Variants in ZNF770 observed in about 807,000 individuals in gnomAD.
The protein encoded by ZNF770 is zinc finger protein 770.
Under a neutral mutation model 44.8 loss-of-function variants are expected in ZNF770, and 13 were observed. That is an observed-to-expected ratio of 0.29 (90% CI 0.19 to 0.46). The LOEUF (loss-of-function observed/expected upper bound fraction) is 0.46, where lower values mean the gene tolerates loss of function less well. Among genes scored for constraint, ZNF770 ranks in the 20% least tolerant of loss-of-function variants. The probability of loss-of-function intolerance (pLI) is 1.00; values close to 1 mark genes in which losing one functional copy is unlikely to be tolerated. For missense variants in ZNF770, 681 were observed against 797.9 expected (o/e 0.85, Z 1.77); for synonymous variants, 304 against 271.8 (o/e 1.12, Z -1.17).
chr15:34,982,997 C>T lies in ZNF770; in HGVS notation c.438G>A (p.Lys146=), dbSNP rs770881470. ...TTTTCATGCTATACATGGGATCAGA[C>T]TTAGAGCACGGGTGTAATGCCCATC... ...EERWALHPCS[K]SDPMYSMKRR... The change falls in exon 3 of 3, where the codon AAG becomes AAA. Residue 146 remains lysine (K), a synonymous_variant. Coordinates refer to ENST00000356321, the MANE Select transcript of ZNF770 (RefSeq NM_014106.4). The T allele has an allele frequency of 1.8e-5, 29 of 1,613,908 alleles. No individual in the cohort carries two copies. The highest frequency in any genetic ancestry group is 2.3e-5 in the Non-Finnish European group (27 of 1,179,970).
At position 34,978,523 on chromosome 15, in the gene ZNF770, T is replaced by TACTAC. The variant is rs1375656217; in HGVS notation, c.*2831_*2835dup. The TACTAC allele has an allele frequency of 6.6e-6, 1 of 152,172 alleles. No homozygotes were observed. Among genetic ancestry groups the TACTAC allele is most frequent in the East Asian group, 1.9e-4 (1 of 5,190 alleles). The allele number at this position is 152,172 out of a possible 1,614,324, so 9.4% of individuals were successfully genotyped here. On this transcript the variant is annotated 3_prime_UTR_variant, in exon 3 of 3. Coordinates refer to ENST00000356321, the MANE Select transcript of ZNF770 (RefSeq NM_014106.4). ...ATCAAACTACTTCAGTAAATGATCA[T>TACTAC]ACTACAGCCTGGAATCACTCAAACA...
In ZNF770 at chr15:34,983,231, A is replaced by G; in HGVS notation, c.204T>C (p.Val68=). 6.2e-7 allele frequency: 1 copy of G among 1,613,108 alleles called. No individual in the cohort carries two copies. Among genetic ancestry groups the G allele is most frequent in the Non-Finnish European group, 8.5e-7 (1 of 1,179,246 alleles). ...DVCHKTFRQL[V]HLERHQLTHS... is the part of the protein sequence containing the mutation. Reference sequence around the variant, plus strand: ...GAGTTAGTTGATGCCTCTCCAGATGAACTAGTTGTCTAAAGGTTTTATGAC... The same window carrying G: ...GAGTTAGTTGATGCCTCTCCAGATGGACTAGTTGTCTAAAGGTTTTATGAC... Residue 68 remains valine, a synonymous_variant, in exon 3 of 3, where the codon GTT becomes GTC. Transcript: ENST00000356321.
chr15:34,981,919 T>C lies in ZNF770; in HGVS notation c.1516A>G (p.Asn506Asp), dbSNP rs1374031811. The change falls in exon 3 of 3, where the codon AAT (asparagine) becomes GAT (aspartate). Residue 506 changes from asparagine (N) to aspartate (D), a missense_variant. By Grantham distance (23) the Asn-to-Asp change is conservative. Transcript: ENST00000356321. ...IHTGQRPFGC[N>D]ICGKSFRQSA... Reference sequence around the variant, plus strand: ...TGTCTAAAAGATTTCCCACAAATATTACAGCCAAAGGGCCTCTGTCCAGTA... The same window carrying C: ...TGTCTAAAAGATTTCCCACAAATATCACAGCCAAAGGGCCTCTGTCCAGTA... 1.2e-6 allele frequency: 2 copies of C among 1,614,112 alleles called. No individual in the cohort carries two copies. The highest frequency in any genetic ancestry group is 1.7e-6 in the Non-Finnish European group (2 of 1,180,032).
rs1488083947 is a variant in ZNF770, at chr15:34,979,670, C to T, written c.*1689G>A. On this transcript the variant is annotated 3_prime_UTR_variant, in exon 3 of 3. Coordinates refer to ENST00000356321, the MANE Select transcript of ZNF770 (RefSeq NM_014106.4). The stretch of plus-strand genomic sequence containing the variant: ...CCCACCTACTATCCCTCCCGCCTCC[C>T]CCCTGTCAAAAGAAAGTTCTCAGTT... The T allele has an allele frequency of 2.2e-6, 1 of 449,172 alleles. No homozygotes were observed. The highest frequency in any genetic ancestry group is 4.5e-6 in the Non-Finnish European group (1 of 224,250). 27.8% of individuals were successfully genotyped at this position (449,172 alleles called of 1,614,324 possible).
At chr15:34,983,993 CAT>C (rs1423928677) in intron 2 of ZNF770, among the ~76,000 whole-genome samples, 1 of 152,140 alleles carries the variant, frequency 6.6e-6, no homozygotes, top group Non-Finnish European at 1.5e-5. Flanking sequence ...ACAAATTTAA[CAT>C]GAGTTATTCT....
chr15:34,982,120 C>T lies in ZNF770; in HGVS notation c.1315G>A (p.Asp439Asn). The T allele has an allele frequency of 6.2e-7, 1 of 1,614,040 alleles. No homozygotes were observed. Among genetic ancestry groups the T allele is most frequent in the Non-Finnish European group, 8.5e-7 (1 of 1,180,012 alleles). Residue 439 changes from aspartate to asparagine, a missense_variant, in exon 3 of 3, where the codon GAC (aspartate) becomes AAC (asparagine). Coordinates refer to ENST00000356321, the MANE Select transcript of ZNF770 (RefSeq NM_014106.4). Reference sequence around the variant, plus strand: ...CCTGATGAACCACAGATTGACAAGTCTTTCTTATTCACTGAATTATCAATG... The same window carrying T: ...CCTGATGAACCACAGATTGACAAGTTTTTCTTATTCACTGAATTATCAATG... ...LSIDNSVNKK[D>N]LSICGSSGEE...
chr15:34,985,117 G>C (rs1020989209), intron 2 of ZNF770, among the ~76,000 whole-genome samples: 2 of 139,256 alleles, frequency 1.4e-5, no homozygotes, highest in African/African-American at 5.7e-5. Context: ...TTGGGCAACA[G>C]AGCGAGAGAC....
rs749581091 is a variant in ZNF770 at position 34,982,221 on chromosome 15, G to A, written c.1214C>T (p.Thr405Ile). Residue 405 changes from threonine to isoleucine, a missense_variant, in exon 3 of 3, where the codon ACA (threonine) becomes ATA (isoleucine). By Grantham distance (89) the Thr-to-Ile change is moderately conservative (BLOSUM62 -1). Around this residue, in one of 5 missense-constraint regions of ZNF770, gnomAD observed 432 missense variants for 434.1 expected, o/e 1.00. Coordinates refer to ENST00000356321, the MANE Select transcript of ZNF770 (RefSeq NM_014106.4). ...YKTIGNRKKK[T>I]LTLPFSWQNM... ...TTGCCAAGAAAATGGCAAAGTCAAT[G>A]TTTTCTTCTTTCTATTGCCAATTGT... 74 of 1,613,212 alleles carry A rather than the reference G, an allele frequency of 4.6e-5. No homozygotes were observed. The highest frequency in any genetic ancestry group is 6.1e-5 in the Non-Finnish European group (72 of 1,179,832).
In ZNF770 at chr15:34,982,510, G is replaced by C; in HGVS notation, c.925C>G (p.Leu309Val). 1 of 1,613,958 alleles carries C rather than the reference G, an allele frequency of 6.2e-7. No individual in the cohort carries two copies. Among genetic ancestry groups the C allele is most frequent in the Non-Finnish European group, 8.5e-7 (1 of 1,179,972 alleles). The change falls in exon 3 of 3, where the codon CTC becomes GTC. Residue 309 changes from leucine to valine, a missense_variant. Around this residue, in one of 5 missense-constraint regions of ZNF770, gnomAD observed 432 missense variants for 434.1 expected, o/e 1.00. Coordinates refer to ENST00000356321, the MANE Select transcript of ZNF770 (RefSeq NM_014106.4). ...GCAGCAAAACAGCTGTGTTCATTGA[G>C]AATCTGCTCTGATTCAAAACACTTT... ...CEKCFESEQI[L>V]NEHSCFAARS...
rs148950283 is a variant in ZNF770, at chr15:34,982,749, C to T, written c.686G>A (p.Ser229Asn). The T allele has an allele frequency of 1.2e-5, 20 of 1,613,836 alleles. No individual in the cohort carries two copies. The African/African-American group carries it at 2.5e-4, about 20-fold the overall frequency. ...CFCQKGFKIQSKLLKHKQIHT... is the reference protein window; with the variant it reads ...CFCQKGFKIQNKLLKHKQIHT... ...GATTTGTTTATGCTTCAGAAGTTTGCTTTGAATCTTAAATCCTTTTTGACA... is the reference window on the plus strand; with the variant it reads ...GATTTGTTTATGCTTCAGAAGTTTGTTTTGAATCTTAAATCCTTTTTGACA... The change falls in exon 3 of 3, where the codon AGC (serine) becomes AAC (asparagine). Residue 229 changes from serine to asparagine, a missense_variant. Transcript: ENST00000356321.
In ZNF770 at chr15:34,982,265, G is replaced by A. The variant is rs1381267980; in HGVS notation, c.1170C>T (p.Gly390=). ...CAATTGTTTTATATGTTCCATGTTTGCCAAGAGAACCCACAAATGTTCTCT... is the reference window on the plus strand; with the variant it reads ...CAATTGTTTTATATGTTCCATGTTTACCAAGAGAACCCACAAATGTTCTCT... ...QTQRTFVGSL[G]KHGTYKTIGN... The change falls in exon 3 of 3, where the codon GGC becomes GGT. Residue 390 remains glycine (G), a synonymous_variant. Transcript: ENST00000356321. The A allele has an allele frequency of 6.2e-7, 1 of 1,613,804 alleles. No individual in the cohort carries two copies. Among genetic ancestry groups the A allele is most frequent in the South Asian group, 1.1e-5 (1 of 91,008 alleles).
In ZNF770 at chr15:34,982,349, T is replaced by C; in HGVS notation, c.1086A>G (p.Lys362=). ...GATCACAATTTCTCAAGAAACTCTT[T>C]TTAAATACTTTTTTCTCAGATTGAA... ...DNFQSEKKVF[K]KSFLRNCDLI... Residue 362 remains lysine (K), a synonymous_variant, in exon 3 of 3, where the codon AAA becomes AAG. Coordinates refer to ENST00000356321, the MANE Select transcript of ZNF770 (RefSeq NM_014106.4). The C allele has an allele frequency of 6.2e-7, 1 of 1,607,978 alleles. No individual in the cohort carries two copies. The highest frequency in any genetic ancestry group is 8.5e-7 in the Non-Finnish European group (1 of 1,178,242).
At chr15:34,983,636 C>T (rs1293717181) in intron 2 of ZNF770, 146 bp from the exon 3 acceptor site, 1 of 369,950 alleles carries the variant, frequency 2.7e-6, no homozygotes, top group Non-Finnish European at 4.7e-6. Flanking sequence ...TTAAGTAATA[C>T]TTTAGAATAA....
chr15:34,984,905 G>A (rs959161319), intron 2 of ZNF770, among the ~76,000 whole-genome samples: 1 of 152,094 alleles, frequency 6.6e-6, no homozygotes, highest in Non-Finnish European at 1.5e-5. Context: ...GGCCAAGGCA[G>A]GGAGATCACA....
At position 34,980,259 on chromosome 15, in the gene ZNF770, T is replaced by C. The variant is rs1363303247; in HGVS notation, c.*1100A>G. Reference sequence around the variant, plus strand: ...ACTACTGCTATCATTAATGAGCAAATAAATGACTTGAAATTATTCCTCTGA... The same window carrying C: ...ACTACTGCTATCATTAATGAGCAAACAAATGACTTGAAATTATTCCTCTGA... On this transcript the variant is annotated 3_prime_UTR_variant, in exon 3 of 3. Coordinates refer to ENST00000356321, the MANE Select transcript of ZNF770 (RefSeq NM_014106.4). The C allele has an allele frequency of 6.6e-6, 1 of 152,172 alleles. No individual in the cohort carries two copies. The highest frequency in any genetic ancestry group is 6.6e-5 in the Admixed American group (1 of 15,266). The allele number at this position is 152,172 out of a possible 1,614,324, so 9.4% of individuals were successfully genotyped here.
rs1214195507 is a variant in ZNF770, at chr15:34,981,342, T to A, written c.*17A>T. 1 of 1,590,482 alleles carries A rather than the reference T, an allele frequency of 6.3e-7. No homozygotes were observed. The highest frequency in any genetic ancestry group is 1.3e-5 in the African/African-American group (1 of 74,272). On this transcript the variant is annotated 3_prime_UTR_variant, in exon 3 of 3. Coordinates refer to ENST00000356321, the MANE Select transcript of ZNF770 (RefSeq NM_014106.4). ...ATAAGATCACCAGAGACCACAATTG[T>A]TAGTGGTTGCGACAATTTACATAAC...
intron 1 of ZNF770, among the ~76,000 whole-genome samples, chr15:34,987,905 G>A (rs916945034): frequency 2.0e-5 from 3 of 152,192 alleles, no homozygotes; most frequent in Non-Finnish European, 4.4e-5. Flanking sequence ...GCCAGGAAAG[G>A]AAGGGTAAGG....
chr15:34,980,315 G>A lies in ZNF770; in HGVS notation c.*1044C>T, dbSNP rs1595372728. 1.3e-5 allele frequency: 2 copies of A among 152,038 alleles called. No homozygotes were observed. Among genetic ancestry groups the A allele is most frequent in the Admixed American group, 6.6e-5 (1 of 15,256 alleles). 9.4% of individuals were successfully genotyped at this position (152,038 alleles called of 1,614,324 possible). ...TAAAACTCATACGTATTATGAAAAA[G>A]ACTATGGCACTTAGAAAATATTCCT... On this transcript the variant is annotated 3_prime_UTR_variant, in exon 3 of 3. Coordinates refer to ENST00000356321, the MANE Select transcript of ZNF770 (RefSeq NM_014106.4).
chr15:34,981,697 C>A lies in ZNF770; in HGVS notation c.1738G>T (p.Val580Phe). The A allele has an allele frequency of 6.2e-7, 1 of 1,614,104 alleles. No homozygotes were observed. The highest frequency in any genetic ancestry group is 8.5e-7 in the Non-Finnish European group (1 of 1,180,024). ...EVSESDQMSG[V>F]KAESQDFIPG... The stretch of plus-strand genomic sequence containing the variant: ...ATAAAATCCTGTGACTCTGCCTTAA[C>A]TCCTGACATTTGATCTGACTCTGAG... Residue 580 changes from valine to phenylalanine, a missense_variant, in exon 3 of 3, where the codon GTT (valine) becomes TTT (phenylalanine). By Grantham distance (50) the Val-to-Phe change is conservative. Coordinates refer to ENST00000356321, the MANE Select transcript of ZNF770 (RefSeq NM_014106.4).
Sources: gnomAD v4.1 joint callset for allele counts (sites outside exome capture counted in the v4.1 genomes callset) on GRCh38, gnomAD v4.1.1 for gene constraint, gnomAD v4.1.1 regional missense constraint, MANE v1.5 for transcripts, NCBI Gene and HGNC (gene_info 2026-07-23, HGNC 2026-07-21) for gene names.